Variants in CDYL observed in about 807,000 individuals in gnomAD.
The protein encoded by CDYL is chromodomain Y-like protein.
A neutral mutation model predicts 47.3 loss-of-function variants in CDYL; 8 were observed. The observed-to-expected ratio is 0.17, with a 90% CI of 0.10 to 0.31. CDYL has a LOEUF of 0.31. Among genes scored for constraint, CDYL ranks in the 10% least tolerant of loss-of-function variants. The pLI is 1.00. For missense variants in CDYL, 471 were observed against 701.4 expected, an observed-to-expected ratio of 0.67 and a Z score of 3.71; for synonymous variants, 266 against 265.0, an observed-to-expected ratio of 1.00 and a Z score of -0.04.
rs1177771987 is a variant in CDYL at position 4,867,734 on chromosome 6, GTGTTTA to G, written c.25-23976_25-23971del. On this transcript the variant is annotated intron_variant, in intron 1 of 6. Coordinates refer to ENST00000397588, the MANE Select transcript of CDYL (RefSeq NM_004824.4). ...AATTTGGTTTGGGATTTTCATGTCT[GTGTTTA>G]TGAGGAATATTGTTTTGTAGGTTGT... 3.4e-5 allele frequency among the ~76,000 whole-genome samples: 5 copies of G among 147,064 alleles called. No individual in the cohort carries two copies. In the South Asian group the frequency reaches 8.5e-4, roughly 25 times the overall value.
At chr6:4,831,806 G>T (rs528164721) in intron 1 of CDYL, among the ~76,000 whole-genome samples, 1 of 152,188 alleles carries the variant, frequency 6.6e-6, no homozygotes, top group Non-Finnish European at 1.5e-5. Flanking sequence ...TTGTAAGGTG[G>T]ATTCCTAAGT....
chr6:4,929,521 C>CACACAG (rs984561472), intron 2 of CDYL, among the ~76,000 whole-genome samples: 1 of 148,442 alleles, frequency 6.7e-6, no homozygotes, highest in Admixed American at 6.6e-5. Flanking sequence ...CACACACACA[C>CACACAG]ACACATACAT....
upstream of CDYL, among the ~76,000 whole-genome samples, chr6:4,771,672 TCAAAA>T (rs1173819045): frequency 1.1e-3 from 167 of 152,328 alleles, no homozygotes; most frequent in African/African-American, 3.8e-3. Context: ...TCCTTACCAG[TCAAAA>T]TGTCCACACT....
intron 1 of CDYL, among the ~76,000 whole-genome samples, chr6:4,802,509 A>G (rs1759253942): frequency 6.6e-6 from 1 of 152,186 alleles, no homozygotes; most frequent in South Asian, 2.1e-4. Context: ...ACTGTATTCC[A>G]GCCTGGGTGA....
At chr6:4,789,640 A>G (rs1019522877) in intron 1 of CDYL, among the ~76,000 whole-genome samples, 2 of 152,198 alleles carry the variant, frequency 1.3e-5, no homozygotes, top group African/African-American at 4.8e-5. Context: ...AGCACCTGCC[A>G]CTAAAAATTG....
At chr6:4,793,896 T>C (rs1321666759) in intron 1 of CDYL, among the ~76,000 whole-genome samples, 1 of 152,162 alleles carries the variant, frequency 6.6e-6, no homozygotes, top group Non-Finnish European at 1.5e-5. Flanking sequence ...TGGGGGTTCA[T>C]GTGTAGGGTG....
chr6:4,918,956 A>G (rs1757632690), intron 2 of CDYL, among the ~76,000 whole-genome samples: 1 of 152,252 alleles, frequency 6.6e-6, no homozygotes, highest in African/African-American at 2.4e-5. Flanking sequence ...TCTTCTACAC[A>G]TAGTAATCTA....
intron 1 of CDYL, among the ~76,000 whole-genome samples, chr6:4,828,006 TA>T (rs1760026543): frequency 6.6e-6 from 1 of 152,236 alleles, no homozygotes; most frequent in Non-Finnish European, 1.5e-5. Flanking sequence ...TCAAAATTCC[TA>T]AATACAGTAC....
intron 3 of CDYL, among the ~76,000 whole-genome samples, chr6:4,737,239 T>C (rs1757719072): frequency 5.9e-5 from 9 of 152,162 alleles, no homozygotes; most frequent in Admixed American, 5.9e-4. Flanking sequence ...AGAAGCTTTC[T>C]AAGTATAAAA....
chr6:4,794,772 AGTTTTT>A (rs1759023614), intron 1 of CDYL, among the ~76,000 whole-genome samples: 1 of 151,904 alleles, frequency 6.6e-6, no homozygotes, highest in African/African-American at 2.4e-5. Flanking sequence ...TAGAAACTAG[AGTTTTT>A]GTTGTTGTTG....
At chr6:4,876,119 C>T (rs887247323) in intron 1 of CDYL, among the ~76,000 whole-genome samples, 1 of 152,158 alleles carries the variant, frequency 6.6e-6, no homozygotes, top group Non-Finnish European at 1.5e-5. Flanking sequence ...CAGTCAGTTT[C>T]CCTCCCACCC....
intron 5 of CDYL, 31 bp downstream of exon 5, chr6:4,943,787 A>AG (rs200106765): frequency 7.1e-6 from 10 of 1,410,744 alleles, no homozygotes; most frequent in African/African-American, 1.4e-5. Flanking sequence ...AAAAAAAAAA[A>AG]GTCATTCTAG....
chr6:4,828,249 C>A (rs1212064423), intron 1 of CDYL, among the ~76,000 whole-genome samples: 3 of 114,218 alleles, frequency 2.6e-5, no homozygotes, highest in East Asian at 5.7e-4. Context: ...TTTTAACTTT[C>A]AGCTTTTTTT....
At chr6:4,762,310 G>A (rs557756473) in intron 3 of CDYL, among the ~76,000 whole-genome samples, 1 of 152,280 alleles carries the variant, frequency 6.6e-6, no homozygotes, top group Admixed American at 6.5e-5. Context: ...GCAGCTGGCA[G>A]GAACAAACAT....
At chr6:4,760,101 T>C (rs1758152002) in intron 3 of CDYL, among the ~76,000 whole-genome samples, 1 of 151,852 alleles carries the variant, frequency 6.6e-6, no homozygotes, top group Non-Finnish European at 1.5e-5. Flanking sequence ...AACAATCCTT[T>C]ATCTCCATGA....
At chr6:4,813,229 G>A (rs1759576922) in intron 1 of CDYL, among the ~76,000 whole-genome samples, 2 of 152,154 alleles carry the variant, frequency 1.3e-5, no homozygotes, top group Admixed American at 6.5e-5. Flanking sequence ...ACCATTTTGA[G>A]TAGTAACATG....
intron 3 of CDYL, among the ~76,000 whole-genome samples, chr6:4,742,560 C>T (rs907548740): frequency 2.0e-5 from 3 of 151,292 alleles, no homozygotes; most frequent in Middle Eastern, 3.4e-3. Context: ...GGTATTGGCC[C>T]GTAGCAATGA....
At chr6:4,814,560 G>T (rs953928786) in intron 1 of CDYL, among the ~76,000 whole-genome samples, 1 of 152,134 alleles carries the variant, frequency 6.6e-6, no homozygotes, top group Admixed American at 6.5e-5. Context: ...GTCTTGTTCT[G>T]TTGCCCAGGC....
intron 1 of CDYL, among the ~76,000 whole-genome samples, chr6:4,811,654 A>G (rs1759533068): frequency 6.9e-6 from 1 of 144,456 alleles, no homozygotes; most frequent in Non-Finnish European, 1.5e-5. Context: ...CATCCAGGCC[A>G]TAATGCAGTG....
Sources: allele counts gnomAD v4.1 joint callset (sites outside exome capture counted in the v4.1 genomes callset), GRCh38; gene constraint gnomAD v4.1.1; transcripts MANE v1.5; gene names NCBI Gene and HGNC (gene_info 2026-07-23, HGNC 2026-07-21).